Variants in MDGA2 observed in about 807,000 individuals in gnomAD.
The protein encoded by MDGA2 is MAM domain-containing glycosylphosphatidylinositol anchor protein 2.
A neutral mutation model predicts 117.8 loss-of-function variants in MDGA2; 40 were observed. The observed-to-expected ratio is 0.34, with a 90% CI of 0.26 to 0.44. MDGA2 has a LOEUF of 0.44. MDGA2 is among the 20% of genes least tolerant of loss of function. The pLI, the probability that MDGA2 is intolerant of heterozygous loss-of-function variation, is 1.00. For synonymous variants in MDGA2, 452 were observed against 439.0 expected (o/e 1.03, Z -0.37); for missense variants, 1,123 against 1,250.6 (o/e 0.90, Z 1.54).
At chr14:47,274,709 C>A (rs1005386713) in intron 2 of MDGA2, among the ~76,000 whole-genome samples, 6 of 152,026 alleles carry the variant, frequency 3.9e-5, no homozygotes, top group African/African-American at 1.4e-4. Context: ...TATAAGGATA[C>A]CAATTCCCCA....
At chr14:47,230,981 T>G (rs1290120557) in intron 2 of MDGA2, among the ~76,000 whole-genome samples, 1 of 152,024 alleles carries the variant, frequency 6.6e-6, no homozygotes, top group African/African-American at 2.4e-5. Context: ...GGATTTTGAA[T>G]AAAGCTTAAA....
chr14:47,141,932 T>A (rs1882737305), intron 4 of MDGA2, among the ~76,000 whole-genome samples: 1 of 152,234 alleles, frequency 6.6e-6, no homozygotes, highest in Non-Finnish European at 1.5e-5. Flanking sequence ...AATACCCTGA[T>A]TTGATTATGA....
At chr14:47,241,269 T>C (rs1887029990) in intron 2 of MDGA2, among the ~76,000 whole-genome samples, 2 of 151,918 alleles carry the variant, frequency 1.3e-5, no homozygotes, top group African/African-American at 2.4e-5. Context: ...CTGTGCTTTA[T>C]GGTTGGAGGC....
chr14:47,267,186 T>C (rs189636919), intron 2 of MDGA2, among the ~76,000 whole-genome samples: 1 of 152,288 alleles, frequency 6.6e-6, no homozygotes, highest in Admixed American at 6.5e-5. Flanking sequence ...AAAGCTATTT[T>C]GACCTCTCCA....
rs1021998381 is a variant in MDGA2, at chr14:46,840,575, G to T, written c.*1356C>A. On this transcript the variant is annotated 3_prime_UTR_variant, in exon 17 of 17. Coordinates refer to ENST00000399232, the MANE Select transcript of MDGA2 (RefSeq NM_001113498.3). ...ATAATAAAATAATATTTCACAATTT[G>T]CACAGAGTCTGACTAAAGGGCAGAG... 1.3e-5 allele frequency: 2 copies of T among 152,366 alleles called. No individual in the cohort carries two copies. 9.4% of individuals were successfully genotyped at this position (152,366 alleles called of 1,614,324 possible). A position where few individuals can be genotyped will look rare whatever the true frequency, so the allele number is the denominator to read the frequency against.
chr14:47,250,473 G>A (rs1887408534), intron 2 of MDGA2, among the ~76,000 whole-genome samples: 1 of 152,204 alleles, frequency 6.6e-6, no homozygotes, highest in African/African-American at 2.4e-5. Context: ...AATTCCCAAT[G>A]TGATCGTATT....
At chr14:47,661,660 T>C (rs902393215) in intron 1 of MDGA2, among the ~76,000 whole-genome samples, 1 of 151,642 alleles carries the variant, frequency 6.6e-6, no homozygotes, top group Non-Finnish European at 1.5e-5. Flanking sequence ...GTAATGCAGG[T>C]GGAATAAACT....
intron 1 of MDGA2, among the ~76,000 whole-genome samples, chr14:47,384,986 T>C (rs571616194): frequency 1.3e-5 from 2 of 152,298 alleles, no homozygotes; most frequent in South Asian, 4.1e-4. Flanking sequence ...GGAGCAAACA[T>C]TTTTCTTGAT....
intron 1 of MDGA2, among the ~76,000 whole-genome samples, chr14:47,431,357 GTCATTT>G (rs1311561145): frequency 1.3e-5 from 2 of 151,850 alleles, no homozygotes; most frequent in African/African-American, 4.8e-5. Context: ...TTGCTTAAAA[GTCATTT>G]ATATTAATCT....
At chr14:47,013,772 G>GTGTATATATATA (rs1555343310) in intron 8 of MDGA2, among the ~76,000 whole-genome samples, 11 of 93,702 alleles carry the variant, frequency 1.2e-4, no homozygotes, top group Non-Finnish European at 1.8e-4. Context: ...TAATTTCCTT[G>GTGTATATATATA]TATATATATA....
intron 9 of MDGA2, among the ~76,000 whole-genome samples, chr14:46,934,120 T>G (rs1212487983): frequency 6.6e-6 from 1 of 151,834 alleles, no homozygotes; most frequent in African/African-American, 2.4e-5. Flanking sequence ...CAAAAAATGT[T>G]GGGAAATAAA....
intron 1 of MDGA2, among the ~76,000 whole-genome samples, chr14:47,402,995 C>T (rs1182124768): frequency 6.6e-6 from 1 of 152,152 alleles, no homozygotes; most frequent in Admixed American, 6.5e-5. Flanking sequence ...TCCCTCTTGA[C>T]TTTTCTTGTT....
chr14:47,196,880 A>C (rs553299618), intron 3 of MDGA2, among the ~76,000 whole-genome samples: 2 of 152,236 alleles, frequency 1.3e-5, no homozygotes, highest in African/African-American at 4.8e-5. Context: ...ATGTGTATTC[A>C]GTGGTTAGCT....
chr14:47,637,987 A>G (rs1174167985), intron 1 of MDGA2, among the ~76,000 whole-genome samples: 1 of 152,168 alleles, frequency 6.6e-6, no homozygotes, highest in Non-Finnish European at 1.5e-5. Context: ...ATCATTCTCA[A>G]TCAAATCCTG....
At chr14:47,346,328 T>C (rs1198081685) in intron 1 of MDGA2, among the ~76,000 whole-genome samples, 2 of 152,158 alleles carry the variant, frequency 1.3e-5, no homozygotes, top group Admixed American at 6.5e-5. Context: ...CGGTAACTAT[T>C]ATTCTTGTTT....
At chr14:47,596,082 T>A (rs1217320211) in intron 1 of MDGA2, among the ~76,000 whole-genome samples, 1 of 152,194 alleles carries the variant, frequency 6.6e-6, no homozygotes, top group African/African-American at 2.4e-5. Flanking sequence ...CTAGATAATT[T>A]GGGGACATAA....
intron 15 of MDGA2, among the ~76,000 whole-genome samples, chr14:46,852,353 C>G (rs1268135614): frequency 7.0e-6 from 1 of 142,942 alleles, no homozygotes; most frequent in Admixed American, 6.9e-5. Context: ...ATTCTCTTGA[C>G]CAATACAAAG....
chr14:47,563,576 C>CTTTTTTTT (rs1650344812), intron 1 of MDGA2, among the ~76,000 whole-genome samples: 1 of 22,492 alleles, frequency 4.4e-5, no homozygotes, highest in African/African-American at 2.4e-4. Flanking sequence ...CTGCTTTTTT[C>CTTTTTTTT]TGTTTTTTTT....
intron 3 of MDGA2, among the ~76,000 whole-genome samples, chr14:47,167,929 A>G (rs1472320457): frequency 6.6e-6 from 1 of 152,176 alleles, no homozygotes; most frequent in African/African-American, 2.4e-5. Context: ...CCACAGCTGC[A>G]TCTCTTTTAT....
Sources: allele counts gnomAD v4.1 joint callset (sites outside exome capture counted in the v4.1 genomes callset), GRCh38; gene constraint gnomAD v4.1.1; transcripts MANE v1.5; gene names NCBI Gene and HGNC (gene_info 2026-07-23, HGNC 2026-07-21).